Variants in IL1R1 observed in about 807,000 individuals in gnomAD.
IL1R1 encodes the protein interleukin-1 receptor type 1.
A neutral mutation model predicts 50.2 loss-of-function variants in IL1R1; 22 were observed. That is an observed-to-expected ratio of 0.44 (90% CI 0.31 to 0.63). The LOEUF is 0.63. Among genes scored for constraint, IL1R1 ranks in the 20% least tolerant of loss-of-function variants. IL1R1 has a pLI of 0.07. For missense variants in IL1R1, 509 were observed against 676.2 expected (o/e 0.75, Z 2.74); for synonymous variants, 251 against 236.7 (o/e 1.06, Z -0.55).
At chr2:102,074,488 G>A (rs1232718627) in intron 1 of IL1R1, among the ~76,000 whole-genome samples, 1 of 152,104 alleles carries the variant, frequency 6.6e-6, no homozygotes, top group Non-Finnish European at 1.5e-5. Context: ...GGTAGTTTGG[G>A]GCTCCTAAAA....
rs768183143 is a variant in IL1R1, at chr2:102,105,597, C to T, written c.-84+725C>T. On this transcript the variant is annotated intron_variant, in intron 1 of 10. Transcript: ENST00000409329. ...GCCAGGATGGTCTCGATCTCCTGAC[C>T]TCGTGATCCACCTGCCTGGGCCTCC... Among the ~76,000 whole-genome samples the T allele has an allele frequency of 2.6e-5, 4 of 152,186 alleles. No individual in the cohort carries two copies. In the East Asian group the frequency reaches 7.7e-4, roughly 29 times the overall value.
chr2:102,091,672 A>G (rs1051530512), intron 1 of IL1R1, among the ~76,000 whole-genome samples: 2 of 152,326 alleles, frequency 1.3e-5, no homozygotes, highest in East Asian at 1.9e-4. Context: ...TAGACAATAC[A>G]CTGTTGCTTA....
intron 1 of IL1R1, among the ~76,000 whole-genome samples, chr2:102,108,212 G>C (rs1052389055): frequency 4.7e-5 from 7 of 149,120 alleles, no homozygotes; most frequent in Admixed American, 1.3e-4. Context: ...TGGGAAGTGT[G>C]TGTGTGTGTG....
At chr2:102,134,153 A>C (rs1323817501) in intron 1 of IL1R1, among the ~76,000 whole-genome samples, 1 of 152,200 alleles carries the variant, frequency 6.6e-6, no homozygotes, top group African/African-American at 2.4e-5. Flanking sequence ...AATTTGAAAA[A>C]CAGGAATAAA....
intron 1 of IL1R1, among the ~76,000 whole-genome samples, chr2:102,083,943 C>CAA (rs35546919): frequency 5.5e-5 from 8 of 146,214 alleles, no homozygotes; most frequent in Admixed American, 3.4e-4. Context: ...GACTCCGCCT[C>CAA]AAAAAAAAAA....
In IL1R1 at chr2:102,088,577, C is replaced by T. The variant is rs144739319; in HGVS notation, c.-84+18044C>T. Among the ~76,000 whole-genome samples the T allele has an allele frequency of 2.2e-3, 328 of 152,312 alleles. 1 individual carries two copies. Among genetic ancestry groups the T allele is most frequent in the Non-Finnish European group, 2.5e-3 (171 of 68,030 alleles). Reference sequence around the variant, plus strand: ...CCTAAGTTTTGAAATGAGAAATGGACGTTGGCGTCAACTTAAAGTCACCAG... The same window carrying T: ...CCTAAGTTTTGAAATGAGAAATGGATGTTGGCGTCAACTTAAAGTCACCAG... On this transcript the variant is annotated intron_variant, in intron 1 of 11. Transcript: ENST00000409929.
chr2:102,170,992 A>T (rs1201066638), intron 7 of IL1R1, among the ~76,000 whole-genome samples: 1 of 152,198 alleles, frequency 6.6e-6, no homozygotes, highest in Non-Finnish European at 1.5e-5. Context: ...ACCCAGGAGG[A>T]GAAGGTTACA....
chr2:102,107,442 T>G (rs1680479877), intron 1 of IL1R1, among the ~76,000 whole-genome samples: 1 of 141,666 alleles, frequency 7.1e-6, no homozygotes, highest in African/African-American at 2.7e-5. Context: ...AATTGAACAA[T>G]GAGAACACTT....
upstream of IL1R1, among the ~76,000 whole-genome samples, chr2:102,139,132 C>T (rs371672529): frequency 2.1e-3 from 324 of 152,092 alleles, 1 homozygote; most frequent in Non-Finnish European, 2.5e-3. Flanking sequence ...CCTGGTGTCC[C>T]GGGAGGGGTT....
Position 102,168,624 on chromosome 2 carries a change from A to G in IL1R1, c.682A>G (p.Ile228Val). 6.2e-7 allele frequency: 1 copy of G among 1,613,678 alleles called. No homozygotes were observed. Among genetic ancestry groups the G allele is most frequent in the Non-Finnish European group, 8.5e-7 (1 of 1,179,788 alleles). ...GGAAAACAAACCCACAAGGCCTGTG[A>G]TTGTGAGCCCAGCTAATGAGACAAT... ...LEENKPTRPV[I>V]VSPANETMEV... The change falls in exon 7 of 12, where the codon ATT becomes GTT. Residue 228 changes from isoleucine to valine, a missense_variant. Coordinates refer to ENST00000410023, the MANE Select transcript of IL1R1 (RefSeq NM_000877.4).
At chr2:102,124,035 C>T (rs935701369) in intron 1 of IL1R1, among the ~76,000 whole-genome samples, 2 of 152,100 alleles carry the variant, frequency 1.3e-5, no homozygotes, top group Admixed American at 6.5e-5. Flanking sequence ...CACACTACCT[C>T]CTCTATTCTT....
intron 1 of IL1R1, among the ~76,000 whole-genome samples, chr2:102,105,764 T>G (rs543703224): frequency 1.2e-4 from 19 of 152,322 alleles, no homozygotes; most frequent in Non-Finnish European, 2.6e-4. Context: ...AATAAGGACC[T>G]CAAAGGTAAT....
chr2:102,159,095 A>G (rs1009437345), intron 3 of IL1R1, among the ~76,000 whole-genome samples: 20 of 152,202 alleles, frequency 1.3e-4, no homozygotes, highest in Admixed American at 1.2e-3. Context: ...GATGGGGAAG[A>G]TCAGGTTTTC....
intron 5 of IL1R1, 52 bp downstream of exon 5, chr2:102,165,356 C>T (rs1356946167): frequency 9.9e-7 from 1 of 1,007,198 alleles, no homozygotes; most frequent in African/African-American, 1.6e-5. Flanking sequence ...TAAAATAGTT[C>T]CCTGGACAAT....
intron 1 of IL1R1, among the ~76,000 whole-genome samples, chr2:102,080,012 A>C (rs12712126): frequency 0.23 from 34,947 of 152,066 alleles, 4,498 homozygotes; most frequent in East Asian, 0.53. Context: ...ATAAAAGGTG[A>C]TGGGACATCT....
Position 102,177,213 on chromosome 2 carries a change from C to T in IL1R1, c.*454C>T. On this transcript the variant is annotated 3_prime_UTR_variant, in exon 12 of 12. Transcript: ENST00000410023. The stretch of plus-strand genomic sequence containing the variant: ...CCGGGGAGACGGAGGTTGCAGTGAG[C>T]CGAGTTTGGGCCACTGCACTCTAGC... The T allele has an allele frequency of 5.6e-6, 1 of 179,978 alleles. No individual in the cohort carries two copies. Among genetic ancestry groups the T allele is most frequent in the African/African-American group, 2.4e-5 (1 of 41,930 alleles). 11.1% of individuals were successfully genotyped at this position (179,978 alleles called of 1,614,324 possible). A position where few individuals can be genotyped will look rare whatever the true frequency, so the allele number is the denominator to read the frequency against.
upstream of IL1R1, among the ~76,000 whole-genome samples, chr2:102,102,983 C>A (rs1680208285): frequency 6.6e-6 from 1 of 151,894 alleles, no homozygotes; most frequent in Non-Finnish European, 1.5e-5. Context: ...AAAACAGACA[C>A]CAGGACCTAC....
intron 1 of IL1R1, among the ~76,000 whole-genome samples, chr2:102,121,043 T>C (rs1056164983): frequency 6.6e-6 from 1 of 152,194 alleles, no homozygotes; most frequent in East Asian, 1.9e-4. Flanking sequence ...AGTGTTAATC[T>C]GCATCCTGCA....
chr2:102,127,701 A>G (rs1043103293), intron 1 of IL1R1, among the ~76,000 whole-genome samples: 2 of 150,184 alleles, frequency 1.3e-5, no homozygotes, highest in Non-Finnish European at 3.0e-5. Flanking sequence ...GTGTGTATCC[A>G]TGCAACATCC....
Sources: gnomAD v4.1 joint callset for allele counts (sites outside exome capture counted in the v4.1 genomes callset) on GRCh38, gnomAD v4.1.1 for gene constraint, MANE v1.5 for transcripts, NCBI Gene and HGNC (gene_info 2026-07-23, HGNC 2026-07-21) for gene names.